CELF4: variants seen among roughly 807,000 people sequenced by gnomAD.
CELF4 encodes the protein CUGBP Elav-like family member 4, also known as CUG-BP- and ETR-3-like factor 4.
Under a neutral mutation model 59.9 loss-of-function variants are expected in CELF4, and 18 were observed. The observed-to-expected ratio is 0.30, with a 90% confidence interval of 0.21 to 0.45. The LOEUF is 0.45. Among genes scored for constraint, CELF4 ranks in the 20% least tolerant of loss-of-function variants. The pLI is 1.00. For synonymous variants in CELF4, 261 were observed against 267.1 expected (o/e 0.98, Z 0.22); for missense variants, 456 against 689.0 (o/e 0.66, Z 3.79).
intron 1 of CELF4, among the ~76,000 whole-genome samples, chr18:37,487,911 T>C (rs1476159168): frequency 1.3e-5 from 2 of 152,186 alleles, no homozygotes; most frequent in African/African-American, 4.8e-5. Flanking sequence ...CACAACTTTA[T>C]TGTGAACCAA....
At chr18:37,302,203 G>A (rs1398172089) in intron 3 of CELF4, among the ~76,000 whole-genome samples, 1 of 152,176 alleles carries the variant, frequency 6.6e-6, no homozygotes, top group Non-Finnish European at 1.5e-5. Flanking sequence ...GGTGGATGGA[G>A]TTACCTGTCC....
intron 1 of CELF4, among the ~76,000 whole-genome samples, chr18:37,503,171 C>T (rs898016693): frequency 5.3e-5 from 8 of 152,212 alleles, no homozygotes; most frequent in East Asian, 1.9e-4. Context: ...CCAGATACTG[C>T]GCTTTCTCTC....
At chr18:37,350,250 C>T (rs929306363) in intron 2 of CELF4, among the ~76,000 whole-genome samples, 23 of 152,158 alleles carry the variant, frequency 1.5e-4, no homozygotes, top group African/African-American at 4.1e-4. Context: ...TAACATATGA[C>T]GACCAAGACT....
chr18:37,485,461 C>T (rs1393597965), intron 2 of CELF4, 64 bp downstream of exon 2: 70 of 1,072,392 alleles, frequency 6.5e-5, no homozygotes, highest in Admixed American at 1.4e-4. Flanking sequence ...CGCCGCCGCC[C>T]GGCCTCCCGA....
chr18:37,376,462 C>T (rs1388585063), intron 2 of CELF4, among the ~76,000 whole-genome samples: 1 of 152,240 alleles, frequency 6.6e-6, no homozygotes. Flanking sequence ...CTCTTGCTTT[C>T]TTCTGCAATT....
intron 1 of CELF4, among the ~76,000 whole-genome samples, chr18:37,512,479 G>A (rs1272051184): frequency 7.2e-6 from 1 of 138,342 alleles, no homozygotes; most frequent in African/African-American, 2.8e-5. Flanking sequence ...TTCTCCTCAT[G>A]CTTCATTTTC....
intron 2 of CELF4, among the ~76,000 whole-genome samples, chr18:37,324,458 G>T (rs1011794998): frequency 6.6e-6 from 1 of 152,206 alleles, no homozygotes; most frequent in African/African-American, 2.4e-5. Flanking sequence ...CAGGAAGAGA[G>T]CCCTCACCAG....
At chr18:37,517,102 T>C (rs891528305) in intron 1 of CELF4, among the ~76,000 whole-genome samples, 6 of 152,162 alleles carry the variant, frequency 3.9e-5, no homozygotes, top group Non-Finnish European at 5.9e-5. Flanking sequence ...GGCTTCTGCC[T>C]TCTACTTAGC....
At chr18:37,408,524 G>A (rs991980146) in intron 2 of CELF4, among the ~76,000 whole-genome samples, 18 of 147,848 alleles carry the variant, frequency 1.2e-4, no homozygotes, top group Non-Finnish European at 2.1e-4. Context: ...GGATGTGAGA[G>A]GAGGAAGCCT....
chr18:37,411,771 G>A (rs1249894758), intron 2 of CELF4, among the ~76,000 whole-genome samples: 1 of 152,220 alleles, frequency 6.6e-6, no homozygotes, highest in Admixed American at 6.5e-5. Flanking sequence ...GGCAGGAGAT[G>A]AGGCGGGCTG....
intron 1 of CELF4, among the ~76,000 whole-genome samples, chr18:37,506,401 G>T (rs549799092): frequency 2.8e-4 from 42 of 152,242 alleles, no homozygotes; most frequent in South Asian, 2.1e-3. Flanking sequence ...TCAAGCCCAT[G>T]GGCTATCACA....
At chr18:37,560,452 C>T (rs1159436637) in intron 1 of CELF4, among the ~76,000 whole-genome samples, 1 of 152,068 alleles carries the variant, frequency 6.6e-6, no homozygotes. Flanking sequence ...GTGATTGTTG[C>T]TTTGATATGC....
At chr18:37,427,147 C>T (rs1036005651) in intron 2 of CELF4, among the ~76,000 whole-genome samples, 4 of 152,134 alleles carry the variant, frequency 2.6e-5, no homozygotes, top group African/African-American at 7.2e-5. Flanking sequence ...GAAGGCTTCT[C>T]CTCTCATCAG....
At chr18:37,374,694 T>C (rs530386174) in intron 2 of CELF4, among the ~76,000 whole-genome samples, 2 of 152,234 alleles carry the variant, frequency 1.3e-5, no homozygotes, top group South Asian at 4.1e-4. Flanking sequence ...AGGAAGACCA[T>C]CGTGTCCCTT....
intron 1 of CELF4, among the ~76,000 whole-genome samples, chr18:37,546,719 C>T (rs2099981523): frequency 6.6e-6 from 1 of 152,222 alleles, no homozygotes; most frequent in Non-Finnish European, 1.5e-5. Flanking sequence ...CATGCTCCAG[C>T]AGAACCACAG....
chr18:37,438,526 C>T (rs1179931421), intron 2 of CELF4, among the ~76,000 whole-genome samples: 1 of 152,116 alleles, frequency 6.6e-6, no homozygotes, highest in Non-Finnish European at 1.5e-5. Flanking sequence ...ATGTCGTGCA[C>T]CCTACCATGT....
At chr18:37,386,291 T>C (rs1213197760) in intron 2 of CELF4, among the ~76,000 whole-genome samples, 5 of 152,178 alleles carry the variant, frequency 3.3e-5, no homozygotes, top group African/African-American at 1.2e-4. Context: ...ATTAACTCAA[T>C]GAAGAGGAAG....
intron 1 of CELF4, among the ~76,000 whole-genome samples, chr18:37,496,590 G>C (rs2099925429): frequency 6.6e-6 from 1 of 152,168 alleles, no homozygotes; most frequent in Non-Finnish European, 1.5e-5. Context: ...ATCCAAGACA[G>C]GCTATTTTGA....
chr18:37,336,821 A>G (rs1036446551), intron 2 of CELF4, among the ~76,000 whole-genome samples: 6 of 152,218 alleles, frequency 3.9e-5, no homozygotes, highest in African/African-American at 7.2e-5. Context: ...TAGAAAGTCT[A>G]TCGAGCTCCT....
Sources: allele counts gnomAD v4.1 joint callset (sites outside exome capture counted in the v4.1 genomes callset), GRCh38; gene constraint gnomAD v4.1.1; transcripts MANE v1.5; gene names NCBI Gene and HGNC (gene_info 2026-07-23, HGNC 2026-07-21).